The following PALM2AKAP2 variants were observed in gnomAD, a reference collection of about 807,000 sequenced individuals.
PALM2AKAP2 encodes the protein PALM2-AKAP2 fusion protein.
Under a neutral mutation model 71.5 loss-of-function variants are expected in PALM2AKAP2, and 37 were observed. The observed-to-expected ratio is 0.52, with a 90% CI of 0.40 to 0.68. PALM2AKAP2 has a LOEUF of 0.68. PALM2AKAP2 is among the 30% of genes least tolerant of loss of function. The pLI is 0.00. For missense variants in PALM2AKAP2, 1,224 were observed against 1,191.8 expected (o/e 1.03, Z -0.40); for synonymous variants, 468 against 478.8 (o/e 0.98, Z 0.29).
chr9:109,994,499 T>C (rs938654620), intron 6 of PALM2AKAP2, among the ~76,000 whole-genome samples: 1 of 152,190 alleles, frequency 6.6e-6, no homozygotes, highest in Admixed American at 6.5e-5. Context: ...ACATAACTAA[T>C]ATCTTGATCC....
At chr9:110,012,354 T>G (rs1191245065) in intron 6 of PALM2AKAP2, among the ~76,000 whole-genome samples, 1 of 152,114 alleles carries the variant, frequency 6.6e-6, no homozygotes, top group African/African-American at 2.4e-5. Context: ...GGTAATTTCT[T>G]ACTGCCAATT....
intron 7 of PALM2AKAP2, among the ~76,000 whole-genome samples, chr9:110,041,862 C>T (rs994864948): frequency 2.0e-5 from 3 of 152,182 alleles, no homozygotes; most frequent in Admixed American, 1.3e-4. Context: ...AACACAGATT[C>T]CTGTGCTCTG....
chr9:110,128,200 C>T (rs138003620), intron 1 of PALM2AKAP2, among the ~76,000 whole-genome samples: 1,537 of 152,308 alleles, frequency 0.01, 24 homozygotes, highest in African/African-American at 0.035. Flanking sequence ...CACTTCCTTC[C>T]ATCCCACCCT....
intron 3 of PALM2AKAP2, among the ~76,000 whole-genome samples, chr9:109,908,451 A>C (rs1830497865): frequency 6.6e-6 from 1 of 152,198 alleles, no homozygotes; most frequent in African/African-American, 2.4e-5. Flanking sequence ...TACTGGTGGA[A>C]GGTCATAAGT....
intron 1 of PALM2AKAP2, among the ~76,000 whole-genome samples, chr9:109,814,736 A>C (rs1256606757): frequency 2.6e-5 from 4 of 152,252 alleles, no homozygotes; most frequent in African/African-American, 9.6e-5. Flanking sequence ...TTTTGAACAC[A>C]TGTATATCTG....
chr9:109,838,409 C>A (rs1031963417), intron 1 of PALM2AKAP2, among the ~76,000 whole-genome samples: 3 of 152,154 alleles, frequency 2.0e-5, no homozygotes, highest in African/African-American at 7.2e-5. Context: ...GCACTAAATG[C>A]CCACAAGAGA....
At chr9:110,142,548 A>C (rs1236067459) in intron 2 of PALM2AKAP2, among the ~76,000 whole-genome samples, 3 of 152,258 alleles carry the variant, frequency 2.0e-5, no homozygotes, top group African/African-American at 7.2e-5. Flanking sequence ...ATTTTATGAC[A>C]GAGAAGCACA....
chr9:110,119,343 A>ATG (rs1835435331), intron 1 of PALM2AKAP2, among the ~76,000 whole-genome samples: 1 of 64,380 alleles, frequency 1.6e-5, no homozygotes, highest in Non-Finnish European at 3.0e-5. Context: ...CTCCATCTCA[A>ATG]AAAAAAAAAA....
chr9:109,959,952 A>G (rs908944984), intron 6 of PALM2AKAP2, among the ~76,000 whole-genome samples: 7 of 152,184 alleles, frequency 4.6e-5, no homozygotes, highest in African/African-American at 1.7e-4. Flanking sequence ...AAGAACAGAG[A>G]ATCACTGCTT....
chr9:109,928,218 T>A (rs1202774508), intron 5 of PALM2AKAP2, among the ~76,000 whole-genome samples: 1 of 152,172 alleles, frequency 6.6e-6, no homozygotes, highest in African/African-American at 2.4e-5. Flanking sequence ...TTCTCCTGCC[T>A]CAGCCCCCCG....
At chr9:110,047,772 TG>T (rs1175650577), upstream of PALM2AKAP2, among the ~76,000 whole-genome samples, 1 of 152,178 alleles carries the variant, frequency 6.6e-6, no homozygotes, top group Non-Finnish European at 1.5e-5. Flanking sequence ...GCTCTCTAGG[TG>T]GGGTGTTTGT....
chr9:109,652,491 G>A (rs1028918516), intron 1 of PALM2AKAP2, among the ~76,000 whole-genome samples: 2 of 152,180 alleles, frequency 1.3e-5, no homozygotes, highest in South Asian at 2.1e-4. Flanking sequence ...TTCTTGAACA[G>A]TCTGCAGAAC....
Position 109,843,132 on chromosome 9 carries a change from C to T in PALM2AKAP2, c.46-24359C>T, listed in dbSNP as rs181095420. On this transcript the variant is annotated intron_variant, in intron 1 of 9. Transcript: ENST00000302798. ...TCCAGCCTGGGCAACAGGAATGAAA[C>T]TCGGTCTCAAAAAAAAAAAAAAAAA... is the stretch of plus-strand genomic sequence containing the variant. Among the ~76,000 whole-genome samples, 341 of 103,370 alleles carry T rather than the reference C, an allele frequency of 3.3e-3. 2 individuals carry two copies. The highest frequency in any genetic ancestry group is 0.013 in the African/African-American group (330 of 25,144). 67.8% of individuals were successfully genotyped at this position (103,370 alleles called of 152,430 possible).
chr9:109,827,235 T>C (rs1024466547), intron 1 of PALM2AKAP2, among the ~76,000 whole-genome samples: 2 of 152,164 alleles, frequency 1.3e-5, no homozygotes, highest in African/African-American at 4.8e-5. Flanking sequence ...AAGTAGACAA[T>C]GATCAAAGAC....
intron 6 of PALM2AKAP2, among the ~76,000 whole-genome samples, chr9:109,989,464 C>T (rs1191550352): frequency 1.3e-5 from 2 of 152,240 alleles, no homozygotes; most frequent in Non-Finnish European, 1.5e-5. Flanking sequence ...CTGTTTCATG[C>T]TGTTGCCCCT....
chr9:110,169,330 G>A (rs909985604), exon 4 of PALM2AKAP2: 1 of 152,462 alleles, frequency 6.6e-6, no homozygotes, highest in Non-Finnish European at 1.5e-5. Context: ...TTTATGATGG[G>A]ATGGGGGAGT....
At chr9:110,171,661 C>T (rs1836860055) in exon 4 of PALM2AKAP2, 1 of 152,294 alleles carries the variant, frequency 6.6e-6, no homozygotes, top group African/African-American at 2.4e-5. Flanking sequence ...GGAGGAAAGT[C>T]ATTCCTGCCT....
At chr9:109,666,596 G>A (rs1236532796) in intron 1 of PALM2AKAP2, among the ~76,000 whole-genome samples, 1 of 152,184 alleles carries the variant, frequency 6.6e-6, no homozygotes, top group Non-Finnish European at 1.5e-5. Flanking sequence ...GTTCTGGTGG[G>A]CTGACTCCAT....
chr9:110,029,668 A>C (rs1289153618), intron 7 of PALM2AKAP2, among the ~76,000 whole-genome samples: 2 of 152,224 alleles, frequency 1.3e-5, no homozygotes, highest in African/African-American at 4.8e-5. Flanking sequence ...AACAAGGCTC[A>C]TTTGCAAGTA....
Sources: gnomAD v4.1 joint callset for allele counts (sites outside exome capture counted in the v4.1 genomes callset) on GRCh38, gnomAD v4.1.1 for gene constraint, MANE v1.5 for transcripts, NCBI Gene and HGNC (gene_info 2026-07-23, HGNC 2026-07-21) for gene names.